Variants in PCDH9 observed in about 807,000 individuals in gnomAD.
PCDH9 encodes protocadherin-9.
A neutral mutation model predicts 70.6 loss-of-function variants in PCDH9; 24 were observed. That is an observed-to-expected ratio of 0.34 (90% CI 0.25 to 0.48). The LOEUF (loss-of-function observed/expected upper bound fraction) is 0.48. PCDH9 is among the 20% of genes least tolerant of loss of function. The probability of loss-of-function intolerance (pLI) is 0.99; values close to 1 mark genes in which losing one functional copy is unlikely to be tolerated. For synonymous variants in PCDH9, 562 were observed against 558.5 expected (o/e 1.01, Z -0.09); for missense variants, 1,281 against 1,503.6 (o/e 0.85, Z 2.45).
intron 2 of PCDH9, among the ~76,000 whole-genome samples, chr13:66,918,770 T>C (rs1350330266): frequency 2.0e-5 from 3 of 151,306 alleles, no homozygotes; most frequent in African/African-American, 7.3e-5. Flanking sequence ...ACTTCTTTTG[T>C]AAAAGATTTA....
intron 2 of PCDH9, among the ~76,000 whole-genome samples, chr13:67,033,505 G>A (rs1334485359): frequency 6.6e-6 from 1 of 152,140 alleles, no homozygotes; most frequent in East Asian, 1.9e-4. Context: ...GCAAATAGAT[G>A]TTGGGGTTGT....
At chr13:67,212,719 G>A (rs2089493429) in intron 2 of PCDH9, 1 of 152,150 alleles carries the variant, frequency 6.6e-6, no homozygotes, top group Non-Finnish European at 1.5e-5. Context: ...CTAGTGATAA[G>A]TTTGGATATC....
chr13:66,806,294 C>T (rs1223552516), intron 3 of PCDH9, among the ~76,000 whole-genome samples: 1 of 152,060 alleles, frequency 6.6e-6, no homozygotes, highest in Non-Finnish European at 1.5e-5. Context: ...CAATTTGGAG[C>T]TCTGGTAATA....
intron 3 of PCDH9, among the ~76,000 whole-genome samples, chr13:66,728,108 C>T (rs1324471558): frequency 6.6e-6 from 1 of 152,004 alleles, no homozygotes. Flanking sequence ...CATAATAAGC[C>T]TTTAGATATT....
At chr13:66,896,281 C>A (rs1238579179) in intron 3 of PCDH9, among the ~76,000 whole-genome samples, 1 of 152,098 alleles carries the variant, frequency 6.6e-6, no homozygotes, top group Non-Finnish European at 1.5e-5. Context: ...CATGAATTTA[C>A]AATGAAGTAA....
intron 4 of PCDH9, among the ~76,000 whole-genome samples, chr13:66,372,442 A>C (rs1956671771): frequency 6.6e-6 from 1 of 151,952 alleles, no homozygotes; most frequent in South Asian, 2.1e-4. Context: ...AGAGTCGAGA[A>C]GATCAGAAAG....
chr13:66,502,922 T>A (rs745911275), intron 4 of PCDH9, among the ~76,000 whole-genome samples: 4 of 152,306 alleles, frequency 2.6e-5, no homozygotes, highest in South Asian at 4.1e-4. Context: ...CTAATTTAAG[T>A]CTGCAAAGAA....
chr13:66,643,294 C>G (rs919441513), intron 3 of PCDH9, among the ~76,000 whole-genome samples: 11 of 152,016 alleles, frequency 7.2e-5, no homozygotes, highest in African/African-American at 2.4e-4. Flanking sequence ...CTTAAGGAAA[C>G]AGAGAAACTA....
intron 3 of PCDH9, among the ~76,000 whole-genome samples, chr13:66,731,201 G>A (rs2079075424): frequency 6.6e-6 from 1 of 151,986 alleles, no homozygotes; most frequent in Admixed American, 6.6e-5. Flanking sequence ...ATCTCGATTA[G>A]AGGTTTAGTT....
intron 2 of PCDH9, among the ~76,000 whole-genome samples, chr13:67,007,560 G>A (rs2084376538): frequency 6.6e-6 from 1 of 152,090 alleles, no homozygotes; most frequent in African/African-American, 2.4e-5. Flanking sequence ...AAACATTATG[G>A]GAGCATGGGA....
chr13:66,371,196 C>T (rs892780396), intron 4 of PCDH9, among the ~76,000 whole-genome samples: 4 of 152,006 alleles, frequency 2.6e-5, no homozygotes, highest in African/African-American at 9.7e-5. Context: ...CTTTCATGAT[C>T]GCATTTTCCC....
chr13:66,420,553 G>A (rs940719658), intron 4 of PCDH9, among the ~76,000 whole-genome samples: 11 of 152,166 alleles, frequency 7.2e-5, no homozygotes, highest in African/African-American at 2.7e-4. Context: ...GGCATGGAGT[G>A]GACCCCCAGC....
intron 4 of PCDH9, among the ~76,000 whole-genome samples, chr13:66,561,075 G>A (rs1198031901): frequency 2.6e-5 from 4 of 152,230 alleles, no homozygotes; most frequent in Non-Finnish European, 4.4e-5. Flanking sequence ...GGAGAAGCGC[G>A]GGCGGGAACC....
At chr13:67,171,972 G>A (rs1268794059) in intron 2 of PCDH9, among the ~76,000 whole-genome samples, 2 of 152,182 alleles carry the variant, frequency 1.3e-5, no homozygotes, top group Non-Finnish European at 2.9e-5. Context: ...AAAACACTAA[G>A]AGAGCACAAT....
chr13:66,316,307 G>C (rs1162244602), intron 4 of PCDH9, among the ~76,000 whole-genome samples: 1 of 152,166 alleles, frequency 6.6e-6, no homozygotes, highest in Non-Finnish European at 1.5e-5. Flanking sequence ...ACATTCTGGG[G>C]ACTAAGACAT....
chr13:66,833,966 C>T (rs2080971848), intron 3 of PCDH9, among the ~76,000 whole-genome samples: 1 of 152,056 alleles, frequency 6.6e-6, no homozygotes, highest in Non-Finnish European at 1.5e-5. Flanking sequence ...TTCATTGAAA[C>T]TGCTACCAAA....
chr13:66,549,952 T>C (rs1409928401), intron 4 of PCDH9, among the ~76,000 whole-genome samples: 1 of 152,102 alleles, frequency 6.6e-6, no homozygotes, highest in East Asian at 1.9e-4. Flanking sequence ...GATTCTTGAA[T>C]AGAAAACAAA....
chr13:66,642,142 T>C (rs1566476225), intron 3 of PCDH9, among the ~76,000 whole-genome samples: 1 of 152,114 alleles, frequency 6.6e-6, no homozygotes, highest in Non-Finnish European at 1.5e-5. Context: ...CAAATACCAA[T>C]ACAAACATGC....
At chr13:67,212,446 A>T (rs912263133) in intron 2 of PCDH9, 2 of 151,978 alleles carry the variant, frequency 1.3e-5, no homozygotes, top group African/African-American at 4.8e-5. Context: ...TTTTTATCTT[A>T]AAAAAAATTT....
Sources: allele counts gnomAD v4.1 joint callset (sites outside exome capture counted in the v4.1 genomes callset), GRCh38; gene constraint gnomAD v4.1.1; transcripts MANE v1.5; gene names NCBI Gene and HGNC (gene_info 2026-07-23, HGNC 2026-07-21).